Variants in AKAP3 observed in about 807,000 individuals in gnomAD.
AKAP3 encodes A-kinase anchoring protein 3.
In AKAP3, 27 loss-of-function variants were observed where a neutral mutation model predicts 57.2. That is an observed-to-expected ratio of 0.47 (90% CI 0.35 to 0.65). AKAP3 has a LOEUF of 0.65. Ranked by LOEUF, AKAP3 falls within the 30% of genes least tolerant of loss-of-function variation. The pLI, the probability that AKAP3 is intolerant of heterozygous loss-of-function variation, is 0.01. For missense variants in AKAP3, 959 were observed against 1,040.0 expected, an observed-to-expected ratio of 0.92 and a Z score of 1.07; for synonymous variants, 334 against 392.3, an observed-to-expected ratio of 0.85 and a Z score of 1.76.
Position 4,635,860 on chromosome 12 carries a change from C to T in AKAP3, c.96+2241G>A, listed in dbSNP as rs374730279. 1.4e-4 allele frequency: 92 copies of T among 661,260 alleles called. 1 individual carries two copies. The highest frequency in any genetic ancestry group is 1.0e-3 in the African/African-American group (56 of 54,688). 41.0% of individuals were successfully genotyped at this position (661,260 alleles called of 1,614,324 possible). A position where few individuals can be genotyped will look rare whatever the true frequency, so the allele number is the denominator to read the frequency against. On this transcript the variant is annotated intron_variant, in intron 4 of 5. Coordinates refer to ENST00000228850, the MANE Select transcript of AKAP3 (RefSeq NM_001278309.2). ...TAAAACCACTTTAATTTATCCAAAA[C>T]GTCTATTTTCTGGCTAAGAACCACC...
In AKAP3 at chr12:4,627,999, C is replaced by T. The variant is rs1307250766; in HGVS notation, c.903G>A (p.Met301Ile). The change falls in exon 5 of 6, where the codon ATG (methionine) becomes ATA (isoleucine). Residue 301 changes from methionine (M) to isoleucine (I), a missense_variant. Physicochemically the swap from Met to Ile is conservative, Grantham distance 10. Transcript: ENST00000228850. ...SVVSDMMVSI[M>I]KTLKIQVKDT... Reference sequence around the variant, plus strand: ...CTTTCACTTGGATCTTCAGTGTCTTCATGATGGAGACCATCATATCAGATA... The same window carrying T: ...CTTTCACTTGGATCTTCAGTGTCTTTATGATGGAGACCATCATATCAGATA... The T allele has an allele frequency of 9.9e-6, 16 of 1,614,000 alleles. No individual in the cohort carries two copies. Among genetic ancestry groups the T allele is most frequent in the African/African-American group, 1.3e-5 (1 of 75,022 alleles).
At chr12:4,622,991 A>C (rs1945364148) in intron 5 of AKAP3, among the ~76,000 whole-genome samples, 1 of 152,248 alleles carries the variant, frequency 6.6e-6, no homozygotes, top group Admixed American at 6.5e-5. Context: ...GCAAAAGAAG[A>C]CATACGTGTG....
Position 4,627,331 on chromosome 12 carries a change from G to A in AKAP3, c.1571C>T (p.Ala524Val). ...CAGGGCAGACACGATCAGGTCCTCG[G>A]CCCAGGAGTCTGAATCATACATAAA... The part of the protein sequence containing the change: ...ENFMYDSDSW[A>V]EDLIVSALLL... The change falls in exon 5 of 6, where the codon GCC becomes GTC. Residue 524 changes from alanine (A) to valine (V), a missense_variant. Coordinates refer to ENST00000228850, the MANE Select transcript of AKAP3 (RefSeq NM_001278309.2). 6.2e-7 allele frequency: 1 copy of A among 1,614,066 alleles called. No homozygotes were observed. The highest frequency in any genetic ancestry group is 2.2e-5 in the East Asian group (1 of 44,858).
At chr12:4,619,371 C>A (rs564321861) in intron 5 of AKAP3, among the ~76,000 whole-genome samples, 1 of 152,138 alleles carries the variant, frequency 6.6e-6, no homozygotes, top group South Asian at 2.1e-4. Flanking sequence ...CCAGCCTGGG[C>A]AACATGACAA....
intron 4 of AKAP3, among the ~76,000 whole-genome samples, chr12:4,633,522 A>G (rs11063272): frequency 0.5 from 75,387 of 151,594 alleles, 19,006 homozygotes; most frequent in East Asian, 0.72. Flanking sequence ...TTCATTTCTT[A>G]TCAATGCAGT....
rs748197451 is a variant in AKAP3, at chr12:4,615,783, C to T, written c.2518G>A (p.Val840Ile). The change falls in exon 6 of 6, where the codon GTC becomes ATC. Residue 840 changes from valine to isoleucine, a missense_variant. Val to Ile is a conservative substitution (Grantham distance 29). Transcript: ENST00000228850. Reference protein sequence around the residue: ...ERQLNEAVGNVTPLQLLDWLM... With the variant: ...ERQLNEAVGNITPLQLLDWLM... The stretch of plus-strand genomic sequence containing the variant: ...CAGTCCAGCAGCTGCAGCGGTGTGA[C>T]ATTCCCCACCGCCTCATTCAGCTGG... The T allele has an allele frequency of 6.2e-7, 1 of 1,614,196 alleles. No homozygotes were observed. Among genetic ancestry groups the T allele is most frequent in the Non-Finnish European group, 8.5e-7 (1 of 1,180,028 alleles).
At position 4,628,443 on chromosome 12, in the gene AKAP3, T is replaced by C. The variant is rs1177752649; in HGVS notation, c.459A>G (p.Lys153=). The change falls in exon 5 of 6, where the codon AAA becomes AAG. Residue 153 remains lysine (K), a synonymous_variant. Transcript: ENST00000228850. ...INEKIDGSEN[K]CVYQSLYMGN... ...CCATGTACAATGACTGATAGACACA[T>C]TTGTTTTCAGAGCCATCGATCTTCT... 6.2e-7 allele frequency: 1 copy of C among 1,614,068 alleles called. No homozygotes were observed. Among genetic ancestry groups the C allele is most frequent in the Non-Finnish European group, 8.5e-7 (1 of 1,180,024 alleles).
intron 5 of AKAP3, among the ~76,000 whole-genome samples, chr12:4,619,099 A>G (rs1056175171): frequency 3.3e-5 from 5 of 152,230 alleles, no homozygotes; most frequent in Non-Finnish European, 5.9e-5. Context: ...ATTTTAATGT[A>G]TGTAGGCCAA....
At chr12:4,638,478 A>C (rs1945593558) in intron 3 of AKAP3, among the ~76,000 whole-genome samples, 1 of 152,174 alleles carries the variant, frequency 6.6e-6, no homozygotes, top group South Asian at 2.1e-4. Flanking sequence ...GAATGAACCT[A>C]GGCAGCCATG....
At chr12:4,639,983 A>G (rs1385865399) in intron 3 of AKAP3, among the ~76,000 whole-genome samples, 1 of 151,846 alleles carries the variant, frequency 6.6e-6, no homozygotes, top group Non-Finnish European at 1.5e-5. Flanking sequence ...CGCCCAGCTA[A>G]TTTTTTGTAT....
intron 4 of AKAP3, among the ~76,000 whole-genome samples, chr12:4,637,366 T>A (rs1945579756): frequency 6.6e-6 from 1 of 152,210 alleles, no homozygotes; most frequent in Non-Finnish European, 1.5e-5. Flanking sequence ...CCACATTCTC[T>A]CCAAAGAGAT....
chr12:4,648,549 CGCGAACA>C (rs1945726958), intron 1 of AKAP3, 189 bp downstream of exon 1: 2 of 152,302 alleles, frequency 1.3e-5, no homozygotes, highest in Non-Finnish European at 1.5e-5. Flanking sequence ...TTCCAGGAAA[CGCGAACA>C]GCAGGCGCAA....
rs377427684 is a variant in AKAP3, at chr12:4,626,829, C to A, written c.2073G>T (p.Ser691=). The A allele has an allele frequency of 6.2e-7, 1 of 1,605,910 alleles. No homozygotes were observed. Among genetic ancestry groups the A allele is most frequent in the Non-Finnish European group, 8.5e-7 (1 of 1,177,546 alleles). Reference sequence around the variant, plus strand: ...ACTTGTCATCTCCCAGCTCTGCCAACGAAGCATCACAGGACTTAGCAATGA... The same window carrying A: ...ACTTGTCATCTCCCAGCTCTGCCAAAGAAGCATCACAGGACTTAGCAATGA... The part of the protein sequence containing the change: ...CVIIAKSCDA[S]LAELGDDKSG... The change falls in exon 5 of 6, where the codon TCG becomes TCT. Residue 691 remains serine (S), a synonymous_variant. Transcript: ENST00000228850.
rs1945455960 is a variant in AKAP3 at position 4,628,521 on chromosome 12, A to G, written c.381T>C (p.Tyr127=). 1 of 1,614,086 alleles carries G rather than the reference A, an allele frequency of 6.2e-7. No individual in the cohort carries two copies. The highest frequency in any genetic ancestry group is 1.3e-5 in the African/African-American group (1 of 74,940). Residue 127 remains tyrosine (Y), a synonymous_variant, in exon 5 of 6, where the codon TAT becomes TAC. Coordinates refer to ENST00000228850, the MANE Select transcript of AKAP3 (RefSeq NM_001278309.2). ...TGACTAGATTCGTGAGGCGGTTAGC[A>G]TAGAAGGAAACTTCATCTACTGAAC... ...NGSSVDEVSF[Y]ANRLTNLVIA... is the part of the protein sequence containing the mutation.
rs750766161 is a variant in AKAP3 at position 4,615,753 on chromosome 12, T to C, written c.2548A>G (p.Met850Val). The C allele has an allele frequency of 9.3e-6, 15 of 1,613,934 alleles. No individual in the cohort carries two copies. Among genetic ancestry groups the C allele is most frequent in the Non-Finnish European group, 1.2e-5 (14 of 1,179,928 alleles). Residue 850 changes from methionine (M) to valine (V), a missense_variant, in exon 6 of 6, where the codon ATG becomes GTG. Coordinates refer to ENST00000228850, the MANE Select transcript of AKAP3 (RefSeq NM_001278309.2). ...GGGGTTGCCGATTACAGGTTCACCA[T>C]CAGCCAGTCCAGCAGCTGCAGCGGT... ...VTPLQLLDWL[M>V]VNL
Position 4,628,296 on chromosome 12 carries a change from G to C in AKAP3, c.606C>G (p.Val202=). 6.2e-7 allele frequency: 1 copy of C among 1,614,124 alleles called. No individual in the cohort carries two copies. Among genetic ancestry groups the C allele is most frequent in the Non-Finnish European group, 8.5e-7 (1 of 1,180,008 alleles). ...TTGGGGGACTTTGTGATGATCCCGA[G>C]ACTCTGTCTCCAGAGCCAGGAGCCT... ...PDKAPGSGDR[V]SGSSQSPPNL... is the part of the protein sequence containing the mutation. The change falls in exon 5 of 6, where the codon GTC becomes GTG. Residue 202 remains valine (V), a synonymous_variant. Coordinates refer to ENST00000228850, the MANE Select transcript of AKAP3 (RefSeq NM_001278309.2).
At chr12:4,643,861 A>G (rs1945666585) in intron 2 of AKAP3, among the ~76,000 whole-genome samples, 1 of 152,226 alleles carries the variant, frequency 6.6e-6, no homozygotes, top group African/African-American at 2.4e-5. Context: ...CAAGGTTCCT[A>G]AACTCATGTA....
At chr12:4,644,410 AG>A (rs759938001) in intron 2 of AKAP3, among the ~76,000 whole-genome samples, 3 of 152,224 alleles carry the variant, frequency 2.0e-5, no homozygotes, top group Non-Finnish European at 4.4e-5. Flanking sequence ...CACAATGACT[AG>A]GAAAAGTCAG....
rs776490776 is a variant in AKAP3 at position 4,635,179 on chromosome 12, A to T, written c.96+2922T>A. Among the ~76,000 whole-genome samples the T allele has an allele frequency of 3.9e-3, 594 of 152,306 alleles. 1 individual carries two copies. The highest frequency in any genetic ancestry group is 5.9e-3 in the Non-Finnish European group (403 of 68,008). ...TTAGTAAGAGGGACCCATGCATGTT[A>T]TTAAAAATTAAGTTCAAAACACTTA... On this transcript the variant is annotated intron_variant, in intron 4 of 5. Transcript: ENST00000228850.
Sources: allele counts gnomAD v4.1 joint callset (sites outside exome capture counted in the v4.1 genomes callset), GRCh38; gene constraint gnomAD v4.1.1; transcripts MANE v1.5; gene names NCBI Gene and HGNC (gene_info 2026-07-23, HGNC 2026-07-21).